Variants in LRRC42 observed in about 807,000 individuals in gnomAD.
The protein encoded by LRRC42 is leucine-rich repeat-containing protein 42.
Under a neutral mutation model 44.3 loss-of-function variants are expected in LRRC42, and 43 were observed. That is an observed-to-expected ratio of 0.97 (90% CI 0.76 to 1.25). LRRC42 has a LOEUF of 1.25. LRRC42 is among the 50% of genes most tolerant of loss of function. LRRC42 has a pLI of 0.00. For synonymous variants in LRRC42, 207 were observed against 195.2 expected (o/e 1.06, Z -0.50); for missense variants, 540 against 509.1 (o/e 1.06, Z -0.58).
Position 53,967,347 on chromosome 1 carries a change from C to G in LRRC42, c.1013-318C>G, listed in dbSNP as rs142609712. Among the ~76,000 whole-genome samples the G allele has an allele frequency of 7.9e-3, 1,199 of 152,260 alleles. 12 individuals carry two copies. Among genetic ancestry groups the G allele is most frequent in the African/African-American group, 0.028 (1,144 of 41,536 alleles). Reference sequence around the variant, plus strand: ...TTATGTACATGATCTCATGTATCTTCATATCACCCTTATGAAATAGGTTTT... The same window carrying G: ...TTATGTACATGATCTCATGTATCTTGATATCACCCTTATGAAATAGGTTTT... On this transcript the variant is annotated intron_variant, in intron 8 of 8. Coordinates refer to ENST00000371370, the MANE Select transcript of LRRC42 (RefSeq NM_001256409.2).
Position 53,967,950 on chromosome 1 carries a change from C to T in LRRC42, c.*11C>T. ...TTAAATTCCTATTGATTAGTAGATA[C>T]AAGTTGACCTTTCTCTGGCCCCCAG... On this transcript the variant is annotated 3_prime_UTR_variant, in exon 9 of 9. Transcript: ENST00000371370. 6.2e-7 allele frequency: 1 copy of T among 1,604,322 alleles called. No homozygotes were observed. Among genetic ancestry groups the T allele is most frequent in the Non-Finnish European group, 8.5e-7 (1 of 1,173,370 alleles).
chr1:53,965,639 T>A lies in LRRC42; in HGVS notation c.928-657T>A, dbSNP rs79928512. ...GGACTACAGGCGCCTGCCCAGCTAA[T>A]TTTTTTTTTGTATTTTTAGTAGAGA... On this transcript the variant is annotated intron_variant, in intron 7 of 8. Coordinates refer to ENST00000371370, the MANE Select transcript of LRRC42 (RefSeq NM_001256409.2). Among the ~76,000 whole-genome samples the A allele has an allele frequency of 1.6e-4, 24 of 148,816 alleles. No individual in the cohort carries two copies. The East Asian group carries it at 4.7e-3, about 29-fold the overall frequency.
intron 7 of LRRC42, among the ~76,000 whole-genome samples, chr1:53,962,764 G>A (rs370431999): frequency 6.4e-4 from 98 of 152,288 alleles, no homozygotes; most frequent in African/African-American, 2.2e-3. Flanking sequence ...TGTATATACA[G>A]GAGAGAGAAT....
rs370756735 is a variant in LRRC42 at position 53,962,099 on chromosome 1, G to A, written c.790G>A (p.Asp264Asn). 2 of 1,613,868 alleles carry A rather than the reference G, an allele frequency of 1.2e-6. No individual in the cohort carries two copies. Among genetic ancestry groups the A allele is most frequent in the Non-Finnish European group, 1.7e-6 (2 of 1,179,786 alleles). ...TTCTTTTAGGAAACTAAACTGCTTA[G>A]ATATCTCTGGGACAGGGCTCAAGGT... ...LFSFRKLNCL[D>N]ISGTGLKDIK... Residue 264 changes from aspartate to asparagine, a missense_variant, in exon 6 of 9, where the codon GAT becomes AAT. Transcript: ENST00000371370.
chr1:53,960,900 CCAATGGTAAGAGGTTGACAG>C (rs1178665653), intron 5 of LRRC42, among the ~76,000 whole-genome samples: 2 of 152,124 alleles, frequency 1.3e-5, no homozygotes, highest in African/African-American at 4.8e-5. Context: ...GATATTGACT[CCAATGGTAAGAGGTTGACAG>C]AGATCATTTA....
At chr1:53,962,451 A>T (rs558318472) in intron 7 of LRRC42, 42 bp downstream of exon 7, 8 of 1,209,544 alleles carry the variant, frequency 6.6e-6, no homozygotes, top group Admixed American at 1.7e-5. Flanking sequence ...GCAGCTTTTC[A>T]TCTTAATTCC....
intron 8 of LRRC42, 151 bp downstream of exon 8, chr1:53,966,531 T>C: frequency 1.7e-6 from 1 of 598,892 alleles, no homozygotes; most frequent in African/African-American, 1.9e-5. Context: ...TAGCTTACAG[T>C]ATAAGTTCAC....
intron 7 of LRRC42, among the ~76,000 whole-genome samples, chr1:53,963,916 A>T (rs1655058033): frequency 6.8e-6 from 1 of 146,198 alleles, no homozygotes; most frequent in African/African-American, 2.5e-5. Flanking sequence ...CCCTTGTGCT[A>T]TTTACTAATA....
At chr1:53,955,527 AC>A (rs1043218516) in intron 3 of LRRC42, among the ~76,000 whole-genome samples, 24 of 151,794 alleles carry the variant, frequency 1.6e-4, no homozygotes, top group African/African-American at 5.6e-4. Flanking sequence ...CGAACTGCTG[AC>A]CTCAAGTGAT....
At chr1:53,947,546 T>G (rs1654542934) in intron 1 of LRRC42, among the ~76,000 whole-genome samples, 1 of 152,136 alleles carries the variant, frequency 6.6e-6, no homozygotes, top group Non-Finnish European at 1.5e-5. Context: ...ATGTTAGAAA[T>G]TTTCCCAAGA....
At chr1:53,965,244 C>G (rs1346420343) in intron 7 of LRRC42, among the ~76,000 whole-genome samples, 1 of 151,908 alleles carries the variant, frequency 6.6e-6, no homozygotes, top group African/African-American at 2.4e-5. Flanking sequence ...CTCGGCCTCT[C>G]AAAGTGCTGG....
chr1:53,967,194 A>G (rs1655150354), intron 8 of LRRC42, among the ~76,000 whole-genome samples: 1 of 152,244 alleles, frequency 6.6e-6, no homozygotes. Flanking sequence ...AATCCAGGGC[A>G]TACCAAAAAA....
chr1:53,947,963 T>G (rs1654568946), intron 2 of LRRC42, 142 bp downstream of exon 2: 1 of 152,232 alleles, frequency 6.6e-6, no homozygotes, highest in African/African-American at 2.4e-5. Context: ...GCTCTGCCAC[T>G]TATTAGCTCT....
intron 2 of LRRC42, among the ~76,000 whole-genome samples, chr1:53,950,383 T>A (rs1249224632): frequency 6.6e-6 from 1 of 152,234 alleles, no homozygotes; most frequent in African/African-American, 2.4e-5. Flanking sequence ...GGCAGAGTAC[T>A]CTTCTCTCAT....
chr1:53,967,578 T>C (rs1655161062), intron 8 of LRRC42, 87 bp from the exon 9 acceptor site: 8 of 1,310,944 alleles, frequency 6.1e-6, no homozygotes, highest in Non-Finnish European at 1.1e-6. Context: ...TTTGGGCCTT[T>C]GTCATATCCC....
At chr1:53,946,628 G>A (rs1269556814) in intron 1 of LRRC42, 79 bp downstream of exon 1, 1 of 151,764 alleles carries the variant, frequency 6.6e-6, no homozygotes, top group Non-Finnish European at 1.5e-5. Context: ...TTAGGGAGGG[G>A]CGGGGTGGGG....
At chr1:53,963,052 T>C (rs1655038242) in intron 7 of LRRC42, among the ~76,000 whole-genome samples, 1 of 152,156 alleles carries the variant, frequency 6.6e-6, no homozygotes. Flanking sequence ...ACCTTCCCTG[T>C]GGCTGGGGCC....
intron 4 of LRRC42, among the ~76,000 whole-genome samples, chr1:53,959,915 A>G (rs920848556): frequency 5.9e-5 from 9 of 151,948 alleles, no homozygotes; most frequent in Admixed American, 3.3e-4. Context: ...TGGCACCAAA[A>G]AATCTTTTTT....
At chr1:53,953,918 A>G in intron 3 of LRRC42, among the ~76,000 whole-genome samples, 1 of 151,802 alleles carries the variant, frequency 6.6e-6, no homozygotes, top group Non-Finnish European at 1.5e-5. Context: ...TTTTTAGTAG[A>G]TACGGGGTTT....
Sources: allele counts gnomAD v4.1 joint callset (sites outside exome capture counted in the v4.1 genomes callset), GRCh38; gene constraint gnomAD v4.1.1; transcripts MANE v1.5; gene names NCBI Gene and HGNC (gene_info 2026-07-23, HGNC 2026-07-21).